OSBP: variants seen among roughly 807,000 people sequenced by gnomAD.
The protein encoded by OSBP is oxysterol-binding protein 1.
Under a neutral mutation model 96.6 loss-of-function variants are expected in OSBP, and 32 were observed. The observed-to-expected ratio is 0.33, with a 90% CI of 0.25 to 0.45. OSBP has a LOEUF of 0.45. Ranked by LOEUF, OSBP falls within the 20% of genes least tolerant of loss-of-function variation. OSBP has a pLI of 1.00. For synonymous variants in OSBP, 369 were observed against 389.6 expected (o/e 0.95, Z 0.62); for missense variants, 653 against 1,029.7 (o/e 0.63, Z 5.01).
intron 7 of OSBP, among the ~76,000 whole-genome samples, chr11:59,598,221 T>C (rs1860681281): frequency 6.6e-6 from 1 of 152,228 alleles, no homozygotes; most frequent in Admixed American, 6.5e-5. Context: ...GATTTATACA[T>C]GCCAGGCACA....
chr11:59,605,663 G>C lies in OSBP; in HGVS notation c.822+2821C>G, dbSNP rs370544365. ...GGCCTCACAAAGTGCTGGGATTACA[G>C]GTGTGAGGCACCATGCCTGGCCTCA... On this transcript the variant is annotated intron_variant, in intron 3 of 13. Transcript: ENST00000263847. Among the ~76,000 whole-genome samples the C allele has an allele frequency of 4.7e-4, 71 of 152,292 alleles. No individual in the cohort carries two copies. In the East Asian group the frequency reaches 9.5e-3, roughly 20 times the overall value.
chr11:59,577,166 A>G (rs1264785770), intron 12 of OSBP, 141 bp from the exon 13 acceptor site: 13 of 682,902 alleles, frequency 1.9e-5, no homozygotes, highest in Non-Finnish European at 3.2e-5. Flanking sequence ...ATCTAGGACC[A>G]TGTCACATTG....
At chr11:59,612,937 C>T (rs1860870044) in intron 1 of OSBP, among the ~76,000 whole-genome samples, 1 of 152,110 alleles carries the variant, frequency 6.6e-6, no homozygotes, top group Non-Finnish European at 1.5e-5. Flanking sequence ...TTGCCAAGGC[C>T]TATTAGGACA....
At chr11:59,602,376 G>C (rs978826926) in intron 3 of OSBP, among the ~76,000 whole-genome samples, 1 of 152,160 alleles carries the variant, frequency 6.6e-6, no homozygotes, top group Non-Finnish European at 1.5e-5. Context: ...GGAGCCTTCA[G>C]TGTGCAGGAA....
At chr11:59,593,467 G>T in intron 9 of OSBP, 137 bp downstream of exon 9, 2 of 916,002 alleles carry the variant, frequency 2.2e-6, no homozygotes, top group Non-Finnish European at 3.4e-6. Flanking sequence ...TTAAATACCT[G>T]CCCAAAGCCA....
At chr11:59,603,786 T>TGGGAATACAGGTGTGAGGCACCACACCC (rs1271519326) in intron 3 of OSBP, among the ~76,000 whole-genome samples, 3 of 152,088 alleles carry the variant, frequency 2.0e-5, no homozygotes, top group Non-Finnish European at 4.4e-5. Context: ...GATCCACACC[T>TGGGAATACAGGTGTGAGGCACCACACCC]GGGACTACAG....
intron 9 of OSBP, among the ~76,000 whole-genome samples, chr11:59,582,216 T>TA (rs1267798602): frequency 6.6e-6 from 1 of 152,222 alleles, no homozygotes; most frequent in African/African-American, 2.4e-5. Flanking sequence ...TAGCTAATGC[T>TA]AATAACTTAG....
rs1416192024 is a variant in OSBP at position 59,574,654 on chromosome 11, C to T, written c.*1923G>A. 3 of 152,448 alleles carry T rather than the reference C, an allele frequency of 2.0e-5. No individual in the cohort carries two copies. The highest frequency in any genetic ancestry group is 2.0e-4 in the Admixed American group (3 of 15,270). The allele number at this position is 152,448 out of a possible 1,614,324, so 9.4% of individuals were successfully genotyped here. ...GGAATTCTCACTCTATCCAAAGCCC[C>T]GGATGAGGTCACTGCTTTTATGAGC... On this transcript the variant is annotated 3_prime_UTR_variant, in exon 14 of 14. Coordinates refer to ENST00000263847, the MANE Select transcript of OSBP (RefSeq NM_002556.3).
At chr11:59,595,944 AAAAT>A (rs139081696) in intron 7 of OSBP, among the ~76,000 whole-genome samples, 14,930 of 138,410 alleles carry the variant, frequency 0.11, 1,112 homozygotes, top group African/African-American at 0.22. Context: ...ACTCTGTCTA[AAAAT>A]AAATAAATAA....
intron 9 of OSBP, among the ~76,000 whole-genome samples, chr11:59,587,337 C>T (rs1342526336): frequency 1.3e-5 from 2 of 151,942 alleles, no homozygotes; most frequent in Non-Finnish European, 2.9e-5. Context: ...TAAGTCTCTA[C>T]TAAAAATACA....
intron 7 of OSBP, among the ~76,000 whole-genome samples, chr11:59,595,571 GA>G (rs1860639366): frequency 6.6e-6 from 1 of 151,948 alleles, no homozygotes. Flanking sequence ...AAGTATCAAG[GA>G]AAAAATTTTC....
At chr11:59,580,085 C>T (rs1381583155) in intron 11 of OSBP, 89 bp downstream of exon 11, 1 of 866,496 alleles carries the variant, frequency 1.2e-6, no homozygotes, top group South Asian at 1.3e-5. Flanking sequence ...CCATACCACC[C>T]CACATGTATA....
chr11:59,578,942 TTTTAG>T (rs1431762846), intron 11 of OSBP, among the ~76,000 whole-genome samples: 1 of 152,226 alleles, frequency 6.6e-6, no homozygotes, highest in Admixed American at 6.5e-5. Flanking sequence ...AATTATACTC[TTTTAG>T]TTATTTTAAA....
At chr11:59,612,270 CCA>C (rs1860859593) in intron 1 of OSBP, among the ~76,000 whole-genome samples, 1 of 152,198 alleles carries the variant, frequency 6.6e-6, no homozygotes. Flanking sequence ...CCTGCACCTG[CCA>C]CACTGTAACA....
Position 59,576,429 on chromosome 11 carries a change from C to T in OSBP, c.*148G>A, listed in dbSNP as rs1860362144. On this transcript the variant is annotated 3_prime_UTR_variant, in exon 14 of 14. Coordinates refer to ENST00000263847, the MANE Select transcript of OSBP (RefSeq NM_002556.3). ...CAGCCAATCACCACCACTGGTGTCT[C>T]CTTCTGGTGATTGATTTGGAAAAAA... The T allele has an allele frequency of 1.2e-6, 1 of 866,908 alleles. No individual in the cohort carries two copies. The highest frequency in any genetic ancestry group is 2.5e-5 in the East Asian group (1 of 40,812). The allele number at this position is 866,908 out of a possible 1,614,324, so 53.7% of individuals were successfully genotyped here.
chr11:59,601,167 A>C (rs1384752062), intron 5 of OSBP, 116 bp downstream of exon 5: 6 of 644,836 alleles, frequency 9.3e-6, no homozygotes, highest in Non-Finnish European at 1.6e-5. Context: ...ATTGACAATT[A>C]TAATACTCTC....
At chr11:59,607,296 G>T (rs976034874) in intron 3 of OSBP, among the ~76,000 whole-genome samples, 1 of 152,130 alleles carries the variant, frequency 6.6e-6, no homozygotes, top group Non-Finnish European at 1.5e-5. Context: ...AGGAATACAC[G>T]ACCAGACATC....
At chr11:59,610,347 A>G (rs1860829141) in intron 2 of OSBP, 34 bp downstream of exon 2, 1 of 1,590,060 alleles carries the variant, frequency 6.3e-7, no homozygotes. Flanking sequence ...GGGCAAAAAG[A>G]AAGTTCCCCA....
chr11:59,590,051 T>G (rs1860558617), intron 9 of OSBP, among the ~76,000 whole-genome samples: 1 of 152,230 alleles, frequency 6.6e-6, no homozygotes, highest in African/African-American at 2.4e-5. Context: ...TCAGTTATAT[T>G]TTCTAGAAGC....
Sources: allele counts gnomAD v4.1 joint callset (sites outside exome capture counted in the v4.1 genomes callset), GRCh38; gene constraint gnomAD v4.1.1; transcripts MANE v1.5; gene names NCBI Gene and HGNC (gene_info 2026-07-23, HGNC 2026-07-21).